Variants in BMS1 observed in about 807,000 individuals in gnomAD.
BMS1 encodes BMS1 ribosome biogenesis factor, also known as ribosome biogenesis protein BMS1 homolog.
In BMS1, 53 loss-of-function variants were observed where a neutral mutation model predicts 138.7. The observed-to-expected ratio is 0.38, with a 90% CI of 0.31 to 0.48. The LOEUF is 0.48. BMS1 is among the 20% of genes least tolerant of loss of function. The pLI, the probability that BMS1 is intolerant of heterozygous loss-of-function variation, is 0.97. For missense variants in BMS1, 1,360 were observed against 1,565.5 expected (o/e 0.87, Z 2.22); for synonymous variants, 504 against 539.9 (o/e 0.93, Z 0.92).
intron 4 of BMS1, among the ~76,000 whole-genome samples, chr10:42,789,581 G>A (rs554989245): frequency 2.5e-4 from 34 of 135,854 alleles, no homozygotes; most frequent in African/African-American, 5.2e-4. Context: ...ACCATTCATC[G>A]TAATCTTACT....
Position 42,833,697 on chromosome 10 carries a change from T to C in BMS1, c.*2601T>C, listed in dbSNP as rs1052159284. The stretch of plus-strand genomic sequence containing the variant: ...CGGCATGTGGCTGTATGTATACACA[T>C]AGTTTTTGCTGTGAGTTTGCATCCA... On this transcript the variant is annotated 3_prime_UTR_variant, in exon 23 of 23. Coordinates refer to ENST00000374518, the MANE Select transcript of BMS1 (RefSeq NM_014753.4). The C allele has an allele frequency of 2.6e-5, 4 of 152,248 alleles. No homozygotes were observed. The highest frequency in any genetic ancestry group is 4.4e-5 in the Non-Finnish European group (3 of 68,040). The allele number at this position is 152,248 out of a possible 1,614,324, so 9.4% of individuals were successfully genotyped here.
At position 42,820,461 on chromosome 10, in the gene BMS1, CTG is replaced by C. The variant is rs761502038; in HGVS notation, c.2769+40_2769+41del. 677 of 1,611,732 alleles carry C rather than the reference CTG, an allele frequency of 4.2e-4. 4 individuals are homozygous for C. The highest frequency in any genetic ancestry group is 5.1e-5 in the Non-Finnish European group (60 of 1,179,054). On this transcript the variant is annotated intron_variant, in intron 16 of 22. Coordinates refer to ENST00000374518, the MANE Select transcript of BMS1 (RefSeq NM_014753.4). ...TGCTACATATTTGGTGCCTGAGGCTCTGTGGATTTCCCCTCCATCAATCATCT... is the reference window on the plus strand; with the variant it reads ...TGCTACATATTTGGTGCCTGAGGCTCTGGATTTCCCCTCCATCAATCATCT...
chr10:42,796,478 A>G lies in BMS1; in HGVS notation c.1234A>G (p.Met412Val), dbSNP rs199570759. ...GSEDIDNQGL[M>V]MPKEEKQMDL... is the part of the protein sequence containing the mutation. ...TGTATTTCCTTGGTAATACAGGCTA[A>G]TGATGCCAAAGGAGGAAAAACAAAT... is the stretch of plus-strand genomic sequence containing the variant. The change falls in exon 10 of 23, where the codon ATG (methionine) becomes GTG (valine). Residue 412 changes from methionine to valine, a missense_variant. Met to Val is a conservative substitution (Grantham distance 21, BLOSUM62 1). This residue lies in a region of BMS1 where 697 missense variants were observed against 686.2 expected (regional missense o/e 1.02). Coordinates refer to ENST00000374518, the MANE Select transcript of BMS1 (RefSeq NM_014753.4). 10 of 1,610,828 alleles carry G rather than the reference A, an allele frequency of 6.2e-6. No homozygotes were observed. In the East Asian group the frequency reaches 1.8e-4, roughly 29 times the overall value.
intron 13 of BMS1, among the ~76,000 whole-genome samples, chr10:42,812,151 T>A (rs1476831524): frequency 6.6e-6 from 1 of 152,188 alleles, no homozygotes; most frequent in East Asian, 1.9e-4. Context: ...CTTTTGTAAA[T>A]CCTTGCTCCT....
intron 21 of BMS1, among the ~76,000 whole-genome samples, chr10:42,824,580 C>T (rs1196756938): frequency 1.3e-5 from 2 of 152,120 alleles, no homozygotes; most frequent in East Asian, 3.8e-4. Context: ...GAGGCTTTCT[C>T]CCTATGTTTT....
intron 13 of BMS1, among the ~76,000 whole-genome samples, chr10:42,815,992 T>C (rs1427002779): frequency 6.6e-6 from 1 of 152,160 alleles, no homozygotes; most frequent in African/African-American, 2.4e-5. Flanking sequence ...CACATAGACC[T>C]CTGTGTCTTT....
At position 42,796,681 on chromosome 10, in the gene BMS1, T is replaced by A; in HGVS notation, c.1437T>A (p.Ala479=). ...ENAEMTDQYM[A]VKGIKRRKLE... is the part of the protein sequence containing the mutation. ...CTGAGATGACTGATCAGTATATGGC[T>A]GTTAAGGGCATCAAACGACGGAAAC... The change falls in exon 10 of 23, where the codon GCT becomes GCA. Residue 479 remains alanine, a synonymous_variant. Transcript: ENST00000374518. 6.2e-7 allele frequency: 1 copy of A among 1,614,150 alleles called. No homozygotes were observed. Among genetic ancestry groups the A allele is most frequent in the Non-Finnish European group, 8.5e-7 (1 of 1,180,034 alleles).
intron 13 of BMS1, among the ~76,000 whole-genome samples, chr10:42,805,201 A>G (rs1226474437): frequency 2.0e-5 from 3 of 152,086 alleles, no homozygotes; most frequent in Non-Finnish European, 4.4e-5. Flanking sequence ...GTTCCTTTTG[A>G]CATATTGATA....
At chr10:42,818,681 G>A (rs1378868290) in intron 15 of BMS1, among the ~76,000 whole-genome samples, 2 of 152,354 alleles carry the variant, frequency 1.3e-5, no homozygotes, top group East Asian at 1.9e-4. Context: ...ATGCAGACAA[G>A]TGAAATGTCA....
rs747864672 is a variant in BMS1, at chr10:42,831,087, A to G, written c.3840A>G (p.Gln1280=). The G allele has an allele frequency of 7.7e-6, 12 of 1,562,920 alleles. No homozygotes were observed. In the Admixed American group the frequency reaches 7.7e-5, roughly 10 times the overall value. Residue 1280 remains glutamine, a synonymous_variant, in exon 23 of 23, where the codon CAA becomes CAG. Transcript: ENST00000374518. ...QKSSLKGAEG[Q]LQ is the part of the protein sequence containing the mutation. Reference sequence around the variant, plus strand: ...CCAGTTTGAAGGGGGCTGAGGGCCAATTGCAGTGAGCCTTTGGACTGGAGG... The same window carrying G: ...CCAGTTTGAAGGGGGCTGAGGGCCAGTTGCAGTGAGCCTTTGGACTGGAGG...
chr10:42,822,734 C>G (rs575478057), intron 19 of BMS1, among the ~76,000 whole-genome samples: 1 of 152,064 alleles, frequency 6.6e-6, no homozygotes, highest in South Asian at 2.1e-4. Flanking sequence ...GTAATAATAC[C>G]ACCAGCGTTT....
chr10:42,784,334 C>A (rs927118612), intron 1 of BMS1, 28 bp from the exon 2 acceptor site: 10 of 1,474,598 alleles, frequency 6.8e-6, no homozygotes, highest in Non-Finnish European at 8.1e-6. Context: ...CTTCTCCCAT[C>A]TCCTTACCCC....
At chr10:42,796,348 C>T in intron 9 of BMS1, 126 bp from the exon 10 acceptor site, 1 of 1,131,426 alleles carries the variant, frequency 8.8e-7, no homozygotes. Context: ...TTTCCCTATG[C>T]TATGTCATCT....
chr10:42,796,482 T>G lies in BMS1; in HGVS notation c.1238T>G (p.Met413Arg), dbSNP rs1564413804. 6.2e-7 allele frequency: 1 copy of G among 1,612,112 alleles called. No individual in the cohort carries two copies. ...SEDIDNQGLM[M>R]PKEEKQMDLN... ...TTTCCTTGGTAATACAGGCTAATGA[T>G]GCCAAAGGAGGAAAAACAAATGGAC... The change falls in exon 10 of 23, where the codon ATG becomes AGG. Residue 413 changes from methionine to arginine, a missense_variant. Transcript: ENST00000374518.
chr10:42,827,716 G>T (rs1396659621), intron 21 of BMS1, among the ~76,000 whole-genome samples: 1 of 152,074 alleles, frequency 6.6e-6, no homozygotes, highest in Non-Finnish European at 1.5e-5. Flanking sequence ...CTAGTTTTCT[G>T]TGCTCTACTA....
intron 13 of BMS1, among the ~76,000 whole-genome samples, chr10:42,802,683 A>G (rs1841906273): frequency 6.6e-6 from 1 of 151,776 alleles, no homozygotes; most frequent in Non-Finnish European, 1.5e-5. Flanking sequence ...GTTGTACTTT[A>G]TATAATTTTT....
chr10:42,823,513 G>A, intron 20 of BMS1, 96 bp from the exon 21 acceptor site: 2 of 1,261,654 alleles, frequency 1.6e-6, no homozygotes, highest in Non-Finnish European at 2.1e-6. Flanking sequence ...CAGCCAGGTA[G>A]AGAAGTTTGG....
rs1842829548 is a variant in BMS1 at position 42,833,290 on chromosome 10, G to A, written c.*2194G>A. ...GTTAAGGAATCTCTAATGTCTGAAA[G>A]AAACAATAAATAGCATTTTTCATGT... On this transcript the variant is annotated 3_prime_UTR_variant, in exon 23 of 23. Coordinates refer to ENST00000374518, the MANE Select transcript of BMS1 (RefSeq NM_014753.4). 2 of 152,308 alleles carry A rather than the reference G, an allele frequency of 1.3e-5. No homozygotes were observed. Among genetic ancestry groups the A allele is most frequent in the Middle Eastern group, 3.4e-3 (1 of 294 alleles). The allele number at this position is 152,308 out of a possible 1,614,324, so 9.4% of individuals were successfully genotyped here.
At chr10:42,783,372 C>T (rs1841219959) in intron 1 of BMS1, among the ~76,000 whole-genome samples, 1 of 152,098 alleles carries the variant, frequency 6.6e-6, no homozygotes, top group African/African-American at 2.4e-5. Context: ...CCAGTAGCAC[C>T]CTGTGCAGCC....
Sources: gnomAD v4.1 joint callset for allele counts (sites outside exome capture counted in the v4.1 genomes callset) on GRCh38, gnomAD v4.1.1 for gene constraint, gnomAD v4.1.1 regional missense constraint, MANE v1.5 for transcripts, NCBI Gene and HGNC (gene_info 2026-07-23, HGNC 2026-07-21) for gene names.